NF2: variants seen among roughly 807,000 people sequenced by gnomAD.
NF2 encodes merlin.
A neutral mutation model predicts 83.7 loss-of-function variants in NF2; 8 were observed. That is an observed-to-expected ratio of 0.10 (90% CI 0.06 to 0.17). The LOEUF (loss-of-function observed/expected upper bound fraction) is 0.17. Among genes scored for constraint, NF2 ranks in the 10% least tolerant of loss-of-function variants. The pLI is 1.00. For missense variants in NF2, 533 were observed against 744.4 expected, an observed-to-expected ratio of 0.72 and a Z score of 3.31; for synonymous variants, 266 against 269.6, an observed-to-expected ratio of 0.99 and a Z score of 0.13.
In NF2 at chr22:29,603,976, G is replaced by T; in HGVS notation, c.-23G>T. On this transcript the variant is annotated 5_prime_UTR_variant, in exon 1 of 16. Coordinates refer to ENST00000338641, the MANE Select transcript of NF2 (RefSeq NM_000268.4). ...AGAGTGCAGGCCGTGGGGCGCGAGG[G>T]TCCCGGGCCTGAGCCCCGCGCCATG... The T allele has an allele frequency of 1.3e-6, 2 of 1,538,460 alleles. No homozygotes were observed. Among genetic ancestry groups the T allele is most frequent in the Non-Finnish European group, 1.8e-6 (2 of 1,133,216 alleles).
intron 4 of NF2, among the ~76,000 whole-genome samples, chr22:29,648,168 T>G (rs2146935965): frequency 7.6e-6 from 1 of 131,852 alleles, no homozygotes; most frequent in Non-Finnish European, 1.6e-5. Flanking sequence ...ATAAATAAAG[T>G]AAAAAAATTA....
At chr22:29,610,424 C>A (rs1452342729) in intron 1 of NF2, among the ~76,000 whole-genome samples, 1 of 152,034 alleles carries the variant, frequency 6.6e-6, no homozygotes, top group African/African-American at 2.4e-5. Flanking sequence ...GTGGGCAGAT[C>A]ACGAGGTCAG....
intron 15 of NF2, among the ~76,000 whole-genome samples, chr22:29,688,041 C>T (rs1334157446): frequency 6.6e-6 from 1 of 152,194 alleles, no homozygotes; most frequent in Non-Finnish European, 1.5e-5. Flanking sequence ...CCTGGTGTCT[C>T]GTAACTGTTG....
intron 15 of NF2, among the ~76,000 whole-genome samples, chr22:29,688,465 A>G (rs1347559249): frequency 6.6e-6 from 1 of 152,238 alleles, no homozygotes; most frequent in Non-Finnish European, 1.5e-5. Flanking sequence ...AAATGACATC[A>G]GTCTATCTGG....
intron 9 of NF2, among the ~76,000 whole-genome samples, chr22:29,667,140 A>G (rs1476749295): frequency 6.6e-6 from 1 of 152,118 alleles, no homozygotes; most frequent in Non-Finnish European, 1.5e-5. Flanking sequence ...TAGTGGGTGA[A>G]GTTTGTTTTT....
At position 29,674,864 on chromosome 22, in the gene NF2, G is replaced by T; in HGVS notation, c.1369G>T (p.Asp457Tyr). The change falls in exon 13 of 16, where the codon GAC becomes TAC. Residue 457 changes from aspartate (D) to tyrosine (Y), a missense_variant. Around this residue, in one of 3 missense-constraint regions of NF2, gnomAD observed 199 missense variants for 240.7 expected, o/e 0.83. Coordinates refer to ENST00000338641, the MANE Select transcript of NF2 (RefSeq NM_000268.4). ...RAKEADQLKQ[D>Y]LQEAREAERR... The stretch of plus-strand genomic sequence containing the variant: ...CAAAGAGGCAGATCAGCTGAAGCAG[G>T]ACCTGCAGGAAGCACGCGAGGCGGA... The T allele has an allele frequency of 6.4e-7, 1 of 1,565,620 alleles. No individual in the cohort carries two copies. Among genetic ancestry groups the T allele is most frequent in the South Asian group, 1.2e-5 (1 of 84,870 alleles).
intron 1 of NF2, among the ~76,000 whole-genome samples, chr22:29,633,756 A>C (rs532024954): frequency 6.6e-6 from 1 of 152,258 alleles, no homozygotes; most frequent in South Asian, 2.1e-4. Flanking sequence ...AAAAAGACTT[A>C]TTTCCTTCTC....
At chr22:29,659,961 C>T (rs952719556) in intron 7 of NF2, among the ~76,000 whole-genome samples, 1 of 152,186 alleles carries the variant, frequency 6.6e-6, no homozygotes, top group South Asian at 2.1e-4. Context: ...GTACTCACTC[C>T]TCAGTCTGAT....
At chr22:29,673,510 C>T (rs375196647) in intron 12 of NF2, 24 bp downstream of exon 12, 459 of 1,594,642 alleles carry the variant, frequency 2.9e-4, no homozygotes, top group Non-Finnish European at 3.8e-4. Flanking sequence ...GGGCACCAGA[C>T]TGGCGAGGAG....
At chr22:29,654,411 A>C (rs1029196628) in intron 4 of NF2, among the ~76,000 whole-genome samples, 1 of 152,238 alleles carries the variant, frequency 6.6e-6, no homozygotes, top group Non-Finnish European at 1.5e-5. Context: ...TTTCCATACA[A>C]GTGTCACATT....
chr22:29,615,164 A>G (rs1249937941), intron 1 of NF2, among the ~76,000 whole-genome samples: 1 of 152,254 alleles, frequency 6.6e-6, no homozygotes, highest in Non-Finnish European at 1.5e-5. Flanking sequence ...AACCTGGGCA[A>G]CAAAGCAAGA....
intron 8 of NF2, among the ~76,000 whole-genome samples, chr22:29,663,303 A>G (rs2066527335): frequency 6.6e-6 from 1 of 152,188 alleles, no homozygotes; most frequent in African/African-American, 2.4e-5. Context: ...GAAGCCAAGG[A>G]TTGAAATCTC....
At chr22:29,632,502 C>T (rs954264337) in intron 1 of NF2, among the ~76,000 whole-genome samples, 2 of 152,108 alleles carry the variant, frequency 1.3e-5, no homozygotes, top group South Asian at 2.1e-4. Context: ...TTTATGTGTG[C>T]GATGAAGGAG....
chr22:29,661,183 G>A (rs752545688), intron 7 of NF2, 22 bp from the exon 8 acceptor site: 28 of 1,614,144 alleles, frequency 1.7e-5, no homozygotes, highest in Non-Finnish European at 2.4e-5. Flanking sequence ...GCTTACAGTA[G>A]CTGTTCTTAT....
intron 1 of NF2, among the ~76,000 whole-genome samples, chr22:29,627,923 A>C (rs888114796): frequency 6.6e-6 from 1 of 152,216 alleles, no homozygotes; most frequent in Non-Finnish European, 1.5e-5. Flanking sequence ...AAGGGGTAAA[A>C]TATATACCTT....
rs184368805 is a variant in NF2 at position 29,685,142 on chromosome 22, C to T, written c.1737+3541C>T. On this transcript the variant is annotated intron_variant, in intron 15 of 15. Coordinates refer to ENST00000338641, the MANE Select transcript of NF2 (RefSeq NM_000268.4). The stretch of plus-strand genomic sequence containing the variant: ...GTTAGTTTTGCTTTGTTTTGAGACA[C>T]GGTCTCCCTCTGTCACCCAGGCTGG... Among the ~76,000 whole-genome samples, 29 of 151,852 alleles carry T rather than the reference C, an allele frequency of 1.9e-4. No individual in the cohort carries two copies. In the East Asian group the frequency reaches 3.7e-3, roughly 19 times the overall value.
chr22:29,657,457 C>T (rs748859204), intron 6 of NF2, among the ~76,000 whole-genome samples: 3 of 152,190 alleles, frequency 2.0e-5, no homozygotes, highest in African/African-American at 4.8e-5. Flanking sequence ...TACCAATTTA[C>T]GTCAATGTGC....
chr22:29,655,532 T>C, intron 5 of NF2, 62 bp from the exon 6 acceptor site: 1 of 1,200,416 alleles, frequency 8.3e-7, no homozygotes, highest in Non-Finnish European at 1.2e-6. Context: ...ATTATAAAAG[T>C]GGCAAACAAT....
chr22:29,639,295 A>G (rs2065736862), intron 3 of NF2, 83 bp downstream of exon 3: 3 of 1,553,352 alleles, frequency 1.9e-6, no homozygotes, highest in South Asian at 1.1e-5. Flanking sequence ...TTGACCACAA[A>G]CACCTTTGTA....
Sources: allele counts gnomAD v4.1 joint callset (sites outside exome capture counted in the v4.1 genomes callset), GRCh38; gene constraint gnomAD v4.1.1; regional missense constraint gnomAD v4.1.1; transcripts MANE v1.5; gene names NCBI Gene and HGNC (gene_info 2026-07-23, HGNC 2026-07-21).